Variants in SAMD12 observed in about 807,000 individuals in gnomAD.
SAMD12 encodes the protein sterile alpha motif domain-containing protein 12.
SAMD12 carries 9 observed loss-of-function variants against 15.0 expected under a neutral mutation model. The observed-to-expected ratio is 0.60, with a 90% CI of 0.36 to 1.05. The LOEUF is 1.05. Ranked by LOEUF, SAMD12 falls within the 50% of genes least tolerant of loss-of-function variation. The pLI is 0.01. For missense variants in SAMD12, 230 were observed against 234.2 expected (o/e 0.98, Z 0.12); for synonymous variants, 86 against 90.1 (o/e 0.96, Z 0.25).
At chr8:118,494,393 C>T (rs992565768) in intron 2 of SAMD12, among the ~76,000 whole-genome samples, 4 of 152,188 alleles carry the variant, frequency 2.6e-5, no homozygotes, top group African/African-American at 7.2e-5. Context: ...ATATATACAA[C>T]AGCTTCACCT....
At chr8:118,381,861 A>C (rs1720852744) in intron 3 of SAMD12, among the ~76,000 whole-genome samples, 1 of 151,994 alleles carries the variant, frequency 6.6e-6, no homozygotes, top group Non-Finnish European at 1.5e-5. Flanking sequence ...CTGTGACTGG[A>C]ATTTACATGT....
At chr8:118,233,371 G>C (rs1053752124) in intron 4 of SAMD12, among the ~76,000 whole-genome samples, 7 of 152,186 alleles carry the variant, frequency 4.6e-5, no homozygotes, top group Non-Finnish European at 8.8e-5. Context: ...GCAGTGGAGA[G>C]TTCCATATAT....
intron 2 of SAMD12, among the ~76,000 whole-genome samples, chr8:118,514,952 T>C (rs1194379121): frequency 6.6e-6 from 1 of 152,174 alleles, no homozygotes; most frequent in Non-Finnish European, 1.5e-5. Flanking sequence ...AAACTTCCCC[T>C]TTGCTGTTCT....
rs373898980 is a variant in SAMD12, at chr8:118,338,510, TGATAAA to T, written c.433+41044_433+41049del. Among the ~76,000 whole-genome samples, 143 of 152,354 alleles carry T rather than the reference TGATAAA, an allele frequency of 9.4e-4. No homozygotes were observed. In the Middle Eastern group the frequency reaches 0.044, roughly 47 times the overall value. ...ATGTGTTAAAGAATAAAATGAACGC[TGATAAA>T]GATAATGTTTTCTCCTCAAAATGTT... On this transcript the variant is annotated intron_variant, in intron 4 of 4. Transcript: ENST00000409003.
intron 4 of SAMD12, among the ~76,000 whole-genome samples, chr8:118,332,424 T>G (rs1816847501): frequency 6.6e-6 from 1 of 152,258 alleles, no homozygotes; most frequent in Admixed American, 6.5e-5. Context: ...GAGATTGGCA[T>G]TGGCAGTGAT....
At chr8:118,356,703 C>T (rs1321301960) in intron 4 of SAMD12, among the ~76,000 whole-genome samples, 1 of 152,196 alleles carries the variant, frequency 6.6e-6, no homozygotes, top group African/African-American at 2.4e-5. Flanking sequence ...ACTCAGACAT[C>T]TAACTGCTTT....
At chr8:118,208,028 C>T (rs1377492227) in intron 4 of SAMD12, among the ~76,000 whole-genome samples, 6 of 151,938 alleles carry the variant, frequency 3.9e-5, no homozygotes, top group South Asian at 2.1e-4. Flanking sequence ...GAGGCTGAGG[C>T]GGGTGGATCA....
At chr8:118,268,547 G>T (rs188134997) in intron 4 of SAMD12, among the ~76,000 whole-genome samples, 4 of 152,154 alleles carry the variant, frequency 2.6e-5, no homozygotes, top group Non-Finnish European at 4.4e-5. Context: ...TGGCGTGGTG[G>T]CTCACATCTG....
intron 2 of SAMD12, among the ~76,000 whole-genome samples, chr8:118,503,050 C>T (rs1017450493): frequency 6.6e-6 from 1 of 152,184 alleles, no homozygotes; most frequent in African/African-American, 2.4e-5. Flanking sequence ...AGATATTAGA[C>T]ACATCAAGGT....
the SAMD12 span, among the ~76,000 whole-genome samples, chr8:118,141,863 T>C: frequency 6.6e-6 from 1 of 152,190 alleles, no homozygotes; most frequent in Middle Eastern, 3.2e-3. Flanking sequence ...AACAGAGGGC[T>C]AGGAAGGGCT....
chr8:118,392,211 G>A (rs868823154), intron 3 of SAMD12, among the ~76,000 whole-genome samples: 18 of 152,038 alleles, frequency 1.2e-4, no homozygotes, highest in African/African-American at 3.6e-4. Context: ...GGCGGATCAC[G>A]AGGTCAGGAG....
intron 3 of SAMD12, among the ~76,000 whole-genome samples, chr8:118,424,894 G>A (rs1822173972): frequency 6.6e-6 from 1 of 151,824 alleles, no homozygotes; most frequent in African/African-American, 2.4e-5. Flanking sequence ...GGCTCTGTAA[G>A]GATGGGAACT....
At chr8:118,344,086 C>T (rs1285287560) in intron 4 of SAMD12, among the ~76,000 whole-genome samples, 1 of 152,206 alleles carries the variant, frequency 6.6e-6, no homozygotes, top group Non-Finnish European at 1.5e-5. Flanking sequence ...CGAGGGACAG[C>T]AAACTTCAAT....
chr8:118,463,079 C>T (rs1350215835), intron 2 of SAMD12, among the ~76,000 whole-genome samples: 14 of 111,036 alleles, frequency 1.3e-4, no homozygotes, highest in African/African-American at 4.4e-4. Flanking sequence ...CCAGCCTGGG[C>T]GACAGAGCGA....
chr8:118,482,452 G>A (rs988023883), intron 2 of SAMD12, among the ~76,000 whole-genome samples: 9 of 150,446 alleles, frequency 6.0e-5, no homozygotes, highest in Non-Finnish European at 8.9e-5. Flanking sequence ...ACCAACCTTG[G>A]ACGGGAAATA....
intron 2 of SAMD12, among the ~76,000 whole-genome samples, chr8:118,503,001 A>T (rs1824828019): frequency 6.6e-6 from 1 of 152,248 alleles, no homozygotes; most frequent in African/African-American, 2.4e-5. Context: ...CACTATAAAT[A>T]ACCATGCAGA....
intron 4 of SAMD12, among the ~76,000 whole-genome samples, chr8:118,209,753 C>T (rs1371798541): frequency 6.6e-6 from 1 of 152,170 alleles, no homozygotes; most frequent in African/African-American, 2.4e-5. Context: ...GGGCTTAAAC[C>T]TTATTTATTT....
chr8:118,591,238 C>T (rs974220210), intron 1 of SAMD12, among the ~76,000 whole-genome samples: 4 of 146,764 alleles, frequency 2.7e-5, no homozygotes, highest in Admixed American at 6.8e-5. Context: ...TTTTTCAAAG[C>T]GTTTATAAAT....
chr8:118,354,293 A>T (rs904485963), intron 4 of SAMD12, among the ~76,000 whole-genome samples: 1 of 152,246 alleles, frequency 6.6e-6, no homozygotes, highest in African/African-American at 2.4e-5. Flanking sequence ...TACAACAAAC[A>T]TGTAAAGTAG....
Sources: allele counts gnomAD v4.1 joint callset (sites outside exome capture counted in the v4.1 genomes callset), GRCh38; gene constraint gnomAD v4.1.1; transcripts MANE v1.5; gene names NCBI Gene and HGNC (gene_info 2026-07-23, HGNC 2026-07-21).